FMN1: variants seen among roughly 807,000 people sequenced by gnomAD.
The protein encoded by FMN1 is formin-1.
FMN1 carries 110 observed loss-of-function variants against 132.4 expected under a neutral mutation model. The observed-to-expected ratio is 0.83, with a 90% CI of 0.71 to 0.97. The LOEUF (loss-of-function observed/expected upper bound fraction) is 0.97. FMN1 is among the 50% of genes least tolerant of loss of function. The pLI, the probability that FMN1 is intolerant of heterozygous loss-of-function variation, is 0.00. For missense variants in FMN1, 1,792 were observed against 1,705.3 expected, an observed-to-expected ratio of 1.05 and a Z score of -0.90; for synonymous variants, 722 against 651.7, an observed-to-expected ratio of 1.11 and a Z score of -1.64.
At chr15:32,888,058 A>G in intron 16 of FMN1, 114 bp downstream of exon 16, 1 of 812,556 alleles carries the variant, frequency 1.2e-6, no homozygotes, top group South Asian at 2.6e-5. Flanking sequence ...GTAGTGTACC[A>G]TTGCTGAACT....
chr15:33,048,537 T>C (rs992374909), intron 6 of FMN1, among the ~76,000 whole-genome samples: 1 of 144,264 alleles, frequency 6.9e-6, no homozygotes, highest in Admixed American at 7.1e-5. Flanking sequence ...TTGAGACTAC[T>C]AAAAAAAAAG....
chr15:33,062,891 G>C (rs544083384), intron 6 of FMN1: 1 of 152,180 alleles, frequency 6.6e-6, no homozygotes, highest in South Asian at 2.1e-4. Context: ...GTTTTCTACA[G>C]AGCAAGCCTC....
At chr15:33,038,673 G>C (rs1411012558) in intron 6 of FMN1, among the ~76,000 whole-genome samples, 1 of 152,106 alleles carries the variant, frequency 6.6e-6, no homozygotes, top group Non-Finnish European at 1.5e-5. Context: ...AATAAAGAAG[G>C]CTTCCCAGAT....
chr15:32,782,761 T>C (rs1454220596), intron 19 of FMN1, among the ~76,000 whole-genome samples: 1 of 152,202 alleles, frequency 6.6e-6, no homozygotes, highest in African/African-American at 2.4e-5. Context: ...CTAATGTCCA[T>C]CAGTAGATGA....
intron 4 of FMN1, among the ~76,000 whole-genome samples, chr15:33,114,837 T>C (rs2039851588): frequency 6.6e-6 from 1 of 152,290 alleles, no homozygotes; most frequent in East Asian, 1.9e-4. Flanking sequence ...ATCTTTGACT[T>C]CTGGAAATTA....
chr15:32,909,308 C>T (rs1387538611), intron 11 of FMN1, among the ~76,000 whole-genome samples: 7 of 152,216 alleles, frequency 4.6e-5, no homozygotes, highest in African/African-American at 1.7e-4. Context: ...AGACTTGGAA[C>T]TCCCTCTTTC....
chr15:32,800,538 T>C (rs548083891), intron 18 of FMN1, among the ~76,000 whole-genome samples: 4 of 152,346 alleles, frequency 2.6e-5, no homozygotes, highest in Middle Eastern at 3.4e-3. Flanking sequence ...GACTATAGCA[T>C]GGGAATACAT....
At chr15:33,047,345 C>T (rs1380878722) in intron 6 of FMN1, among the ~76,000 whole-genome samples, 1 of 152,162 alleles carries the variant, frequency 6.6e-6, no homozygotes, top group Non-Finnish European at 1.5e-5. Context: ...CTTGTTTTCA[C>T]CTGTGAGGTT....
At chr15:32,976,512 G>C (rs565904103) in intron 7 of FMN1, among the ~76,000 whole-genome samples, 1 of 152,260 alleles carries the variant, frequency 6.6e-6, no homozygotes, top group East Asian at 1.9e-4. Context: ...TATTAATGAA[G>C]AGAATGGCAT....
Position 32,772,804 on chromosome 15 carries a change from G to A in FMN1, c.*1506C>T, listed in dbSNP as rs2056292998. 6.6e-6 allele frequency: 1 copy of A among 152,304 alleles called. No individual in the cohort carries two copies. Among genetic ancestry groups the A allele is most frequent in the Admixed American group, 6.5e-5 (1 of 15,282 alleles). The allele number at this position is 152,304 out of a possible 1,614,324, so 9.4% of individuals were successfully genotyped here. On this transcript the variant is annotated 3_prime_UTR_variant, in exon 21 of 21. Coordinates refer to ENST00000616417, the MANE Select transcript of FMN1 (RefSeq NM_001277313.2). ...TGCTTTCATTACTGGATCTATTATA[G>A]AAGCATTCCTGAGGGGCTGCTGGCT...
At chr15:32,933,992 A>C (rs2061191565) in intron 9 of FMN1, among the ~76,000 whole-genome samples, 1 of 152,108 alleles carries the variant, frequency 6.6e-6, no homozygotes, top group African/African-American at 2.4e-5. Flanking sequence ...AATTACTGAG[A>C]GGCAAGAACT....
At chr15:32,933,302 A>G (rs1483373488) in intron 9 of FMN1, among the ~76,000 whole-genome samples, 9 of 152,198 alleles carry the variant, frequency 5.9e-5, no homozygotes, top group Admixed American at 5.2e-4. Flanking sequence ...TCTTCCTGCT[A>G]TTATTTCTAG....
intron 16 of FMN1, among the ~76,000 whole-genome samples, chr15:32,865,604 A>G (rs1226403012): frequency 1.3e-5 from 2 of 152,228 alleles, no homozygotes; most frequent in Admixed American, 1.3e-4. Flanking sequence ...TGGGAGGACA[A>G]GGCGGGCAGA....
At chr15:33,083,386 T>TG (rs1390423938) in intron 5 of FMN1, among the ~76,000 whole-genome samples, 2 of 152,116 alleles carry the variant, frequency 1.3e-5, no homozygotes, top group Non-Finnish European at 2.9e-5. Flanking sequence ...GTTAATGAGG[T>TG]GACTTTTAGA....
intron 9 of FMN1, among the ~76,000 whole-genome samples, chr15:32,962,145 T>C (rs192807934): frequency 2.6e-4 from 40 of 152,132 alleles, no homozygotes; most frequent in Admixed American, 1.9e-3. Flanking sequence ...CTTTTATTTT[T>C]TGCCCTCAAC....
intron 4 of FMN1, among the ~76,000 whole-genome samples, chr15:33,151,927 C>A (rs1259108352): frequency 6.6e-6 from 1 of 152,122 alleles, no homozygotes; most frequent in Non-Finnish European, 1.5e-5. Context: ...AAAGCTCTAC[C>A]CCCTGGATCA....
chr15:32,930,181 G>A (rs2061074576), intron 9 of FMN1, among the ~76,000 whole-genome samples: 1 of 151,794 alleles, frequency 6.6e-6, no homozygotes, highest in Admixed American at 6.6e-5. Flanking sequence ...AGTAGACGGG[G>A]TTTCACCGTG....
intron 4 of FMN1, among the ~76,000 whole-genome samples, chr15:33,149,358 G>C (rs1964356079): frequency 6.6e-6 from 1 of 152,138 alleles, no homozygotes; most frequent in African/African-American, 2.4e-5. Context: ...ATCTAGATCA[G>C]TACTCTGAAC....
At chr15:33,118,465 T>C (rs1279150141) in intron 4 of FMN1, among the ~76,000 whole-genome samples, 1 of 152,096 alleles carries the variant, frequency 6.6e-6, no homozygotes, top group Non-Finnish European at 1.5e-5. Flanking sequence ...AAGTAAAAAA[T>C]GTCAATTTCT....
Sources: gnomAD v4.1 joint callset for allele counts (sites outside exome capture counted in the v4.1 genomes callset) on GRCh38, gnomAD v4.1.1 for gene constraint, MANE v1.5 for transcripts, NCBI Gene and HGNC (gene_info 2026-07-23, HGNC 2026-07-21) for gene names.